The following USP6NL variants were observed in gnomAD, a reference collection of about 807,000 sequenced individuals.
USP6NL encodes the protein USP6 N-terminal like, also known as USP6 N-terminal-like protein.
USP6NL carries 26 observed loss-of-function variants against 61.9 expected under a neutral mutation model. The ratio of observed to expected loss-of-function variants is 0.42; its 90% CI spans 0.31 to 0.58. USP6NL has a LOEUF of 0.58. Ranked by LOEUF, USP6NL falls within the 20% of genes least tolerant of loss-of-function variation. The pLI, the probability that USP6NL is intolerant of heterozygous loss-of-function variation, is 0.16. For missense variants in USP6NL, 1,114 were observed against 1,034.3 expected (o/e 1.08, Z -1.06); for synonymous variants, 432 against 390.1 (o/e 1.11, Z -1.27).
intron 2 of USP6NL, among the ~76,000 whole-genome samples, chr10:11,568,149 TTGTG>T (rs35053647): frequency 0.016 from 2,346 of 149,662 alleles, 46 homozygotes; most frequent in African/African-American, 0.048. Context: ...CGGGAGGTAG[TTGTG>T]TGTGTGTGTG....
intron 2 of USP6NL, among the ~76,000 whole-genome samples, chr10:11,560,716 A>AT (rs1227179286): frequency 2.3e-5 from 2 of 87,952 alleles, no homozygotes; most frequent in East Asian, 3.5e-4. Context: ...TATATATATT[A>AT]TATATATATA....
chr10:11,509,912 C>T (rs1470083121), intron 5 of USP6NL, among the ~76,000 whole-genome samples: 1 of 151,996 alleles, frequency 6.6e-6, no homozygotes, highest in East Asian at 1.9e-4. Context: ...TTAAATTTTC[C>T]AAGACTTGAA....
At position 11,595,760 on chromosome 10, in the gene USP6NL, C is replaced by A. The variant is rs912617327; in HGVS notation, c.4+1871G>T. 1.3e-5 allele frequency among the ~76,000 whole-genome samples: 2 copies of A among 151,806 alleles called. No individual in the cohort carries two copies. Among genetic ancestry groups the A allele is most frequent in the Non-Finnish European group, 2.9e-5 (2 of 67,960 alleles). ...AATCAAAACATAAATTCCCTGAAGACAAAATTTTAAAATTATCAAATGATC... is the reference window on the plus strand; with the variant it reads ...AATCAAAACATAAATTCCCTGAAGAAAAAATTTTAAAATTATCAAATGATC... On this transcript the variant is annotated intron_variant, in intron 2 of 14. Transcript: ENST00000609104. The surrounding 1 kb of genome is among the most constrained non-coding windows in gnomAD (Gnocchi z 5.3).
intron 14 of USP6NL, among the ~76,000 whole-genome samples, chr10:11,479,464 A>T (rs1269806043): frequency 3.3e-5 from 5 of 152,172 alleles, no homozygotes; most frequent in Non-Finnish European, 7.4e-5. Context: ...CCATGTTTTC[A>T]TGTGGGCCTA....
rs1838503415 is a variant in USP6NL, at chr10:11,600,898, G to A, written c.-83-3181C>T. Among the ~76,000 whole-genome samples, 1 of 152,058 alleles carries A rather than the reference G, an allele frequency of 6.6e-6. No individual in the cohort carries two copies. Among genetic ancestry groups the A allele is most frequent in the Admixed American group, 6.6e-5 (1 of 15,262 alleles). ...CAAGAGAATTGCTTGAGCCTGGGAG[G>A]TGGAGGCTGCAGTAAGCCAAGATCG... On this transcript the variant is annotated intron_variant, in intron 1 of 14. Transcript: ENST00000609104. This position sits in a 1 kb window ranked among gnomAD's most constrained non-coding sequence, Gnocchi z 4.1.
chr10:11,483,219 T>A, intron 13 of USP6NL, among the ~76,000 whole-genome samples: 1 of 151,988 alleles, frequency 6.6e-6, no homozygotes, highest in East Asian at 1.9e-4. Flanking sequence ...AGCAGCAGAT[T>A]TGTCCACAGC....
At position 11,532,382 on chromosome 10, in the gene USP6NL, G is replaced by T; in HGVS notation, c.5-4815C>A. 1.7e-6 allele frequency: 1 copy of T among 582,558 alleles called. No homozygotes were observed. The highest frequency in any genetic ancestry group is 2.8e-6 in the Non-Finnish European group (1 of 354,322). The allele number at this position is 582,558 out of a possible 1,614,324, so 36.1% of individuals were successfully genotyped here. On this transcript the variant is annotated intron_variant, in intron 2 of 14. Coordinates refer to ENST00000609104, the MANE Select transcript of USP6NL (RefSeq NM_014688.5). The surrounding 1 kb of genome is among the most constrained non-coding windows in gnomAD (Gnocchi z 4.1). ...CTACTTTAAACTATCTGTGAAACAAGCACAAGAAGAAAAAGTTTGAGATGC... is the reference window on the plus strand; with the variant it reads ...CTACTTTAAACTATCTGTGAAACAATCACAAGAAGAAAAAGTTTGAGATGC...
chr10:11,580,941 T>G (rs1837741774), intron 2 of USP6NL, among the ~76,000 whole-genome samples: 1 of 151,960 alleles, frequency 6.6e-6, no homozygotes, highest in Admixed American at 6.6e-5. Context: ...ATCAAAATCT[T>G]GTTTGGCCCT....
chr10:11,525,651 T>C lies in USP6NL; in HGVS notation c.73-183A>G, dbSNP rs1591887460. On this transcript the variant is annotated intron_variant, in intron 3 of 14. Transcript: ENST00000609104. This position sits in a 1 kb window ranked among gnomAD's most constrained non-coding sequence, Gnocchi z 5.0. ...TTAAACCCAACTATTTTTGGCAAGA[T>C]AAACACTATTTCCTAGTTATGACTC... 1.3e-5 allele frequency among the ~76,000 whole-genome samples: 2 copies of C among 152,284 alleles called. No homozygotes were observed. Among genetic ancestry groups the C allele is most frequent in the Non-Finnish European group, 2.9e-5 (2 of 68,018 alleles).
In USP6NL at chr10:11,492,355, T is replaced by G. The variant is rs146032114; in HGVS notation, c.494+764A>C. On this transcript the variant is annotated intron_variant, in intron 8 of 14. Coordinates refer to ENST00000609104, the MANE Select transcript of USP6NL (RefSeq NM_014688.5). The stretch of plus-strand genomic sequence containing the variant: ...TCTAGGTGTCACTGGGAACGTATTT[T>G]GTAGACTGATAAAAATCCATAATCT... 2.6e-5 allele frequency among the ~76,000 whole-genome samples: 4 copies of G among 152,378 alleles called. No individual in the cohort carries two copies. In the East Asian group the frequency reaches 7.7e-4, roughly 29 times the overall value.
intron 2 of USP6NL, among the ~76,000 whole-genome samples, chr10:11,541,238 T>TATATAC (rs1836045041): frequency 1.1e-5 from 1 of 89,696 alleles, no homozygotes; most frequent in Admixed American, 1.2e-4. Context: ...GCCATATATA[T>TATATAC]ATATATATAT....
rs1287031650 is a variant in USP6NL, at chr10:11,532,201, C to T, written c.5-4634G>A. 11 of 1,602,714 alleles carry T rather than the reference C, an allele frequency of 6.9e-6. No homozygotes were observed. Among genetic ancestry groups the T allele is most frequent in the African/African-American group, 1.3e-5 (1 of 74,634 alleles). ...ACCCTTTGTGAGATAATCAGTCTGGCCTTGGGAATTAACAACAGCTTCAGT... is the reference window on the plus strand; with the variant it reads ...ACCCTTTGTGAGATAATCAGTCTGGTCTTGGGAATTAACAACAGCTTCAGT... On this transcript the variant is annotated intron_variant, in intron 2 of 14. Coordinates refer to ENST00000609104, the MANE Select transcript of USP6NL (RefSeq NM_014688.5). This position sits in a 1 kb window ranked among gnomAD's most constrained non-coding sequence, Gnocchi z 4.1.
Position 11,532,059 on chromosome 10 carries a change from A to G in USP6NL, c.5-4492T>C, listed in dbSNP as rs570883791. 3.6e-5 allele frequency: 26 copies of G among 731,930 alleles called. 1 individual carries two copies. In the East Asian group the frequency reaches 6.9e-4, roughly 19 times the overall value. The allele number at this position is 731,930 out of a possible 1,614,324, so 45.3% of individuals were successfully genotyped here. On this transcript the variant is annotated intron_variant, in intron 2 of 14. Transcript: ENST00000609104. The surrounding 1 kb of genome is among the most constrained non-coding windows in gnomAD (Gnocchi z 4.1). ...CCAAACTGCAATGAAAAATTCATAC[A>G]AAGTTACTAAGGTTCATTTCCAATA...
chr10:11,534,213 G>T (rs1001564390), intron 2 of USP6NL, among the ~76,000 whole-genome samples: 1 of 152,170 alleles, frequency 6.6e-6, no homozygotes. Flanking sequence ...TGACCTTCTT[G>T]CTCTGCCCAT....
intron 2 of USP6NL, among the ~76,000 whole-genome samples, chr10:11,580,867 TGATGGATGGATGGATG>T (rs112761648): frequency 2.0e-5 from 3 of 149,858 alleles, no homozygotes; most frequent in South Asian, 2.1e-4. Context: ...AACGGATAGA[TGATGGATGGATGGATG>T]GATGGATGGA....
intron 2 of USP6NL, among the ~76,000 whole-genome samples, chr10:11,545,231 C>T (rs1836229971): frequency 6.6e-6 from 1 of 152,148 alleles, no homozygotes; most frequent in South Asian, 2.1e-4. Flanking sequence ...CCTCTCTGCC[C>T]CACCCTCCCT....
rs1455716022 is a variant in USP6NL, at chr10:11,537,323, G to T, written c.5-9756C>A. 6.6e-6 allele frequency among the ~76,000 whole-genome samples: 1 copy of T among 152,082 alleles called. No individual in the cohort carries two copies. The highest frequency in any genetic ancestry group is 1.5e-5 in the Non-Finnish European group (1 of 68,026). ...GACGGGATTTTGCCATGTTGCCCTG[G>T]CTGGTCTCGAACTCCTGGGCTGGGG... On this transcript the variant is annotated intron_variant, in intron 2 of 14. Transcript: ENST00000609104. The surrounding 1 kb of genome is among the most constrained non-coding windows in gnomAD (Gnocchi z 5.1).
At position 11,495,079 on chromosome 10, in the gene USP6NL, C is replaced by T. The variant is rs976880650; in HGVS notation, c.385-1851G>A. Among the ~76,000 whole-genome samples, 2 of 152,212 alleles carry T rather than the reference C, an allele frequency of 1.3e-5. No homozygotes were observed. The highest frequency in any genetic ancestry group is 4.8e-5 in the African/African-American group (2 of 41,474). On this transcript the variant is annotated intron_variant, in intron 7 of 14. Coordinates refer to ENST00000609104, the MANE Select transcript of USP6NL (RefSeq NM_014688.5). The surrounding 1 kb of genome is among the most constrained non-coding windows in gnomAD (Gnocchi z 4.6). ...TACTGCTAGACCTCGGTCCGCCTGG[C>T]AACGGGCGTCTTCCCAGATGCTGGC... is the stretch of plus-strand genomic sequence containing the variant.
At chr10:11,526,055 C>A (rs1314083771) in intron 3 of USP6NL, among the ~76,000 whole-genome samples, 2 of 145,904 alleles carry the variant, frequency 1.4e-5, no homozygotes, top group Non-Finnish European at 3.1e-5. Flanking sequence ...ACTCCCTCTT[C>A]CCAACTCCTG....
Sources: allele counts gnomAD v4.1 joint callset (sites outside exome capture counted in the v4.1 genomes callset), GRCh38; gene constraint gnomAD v4.1.1; non-coding constraint Gnocchi (gnomAD v3.1); transcripts MANE v1.5; gene names NCBI Gene and HGNC (gene_info 2026-07-23, HGNC 2026-07-21).